The following HMCN2 variants were observed in gnomAD, a reference collection of about 807,000 sequenced individuals.
The protein encoded by HMCN2 is hemicentin-2.
HMCN2 carries 325 observed loss-of-function variants against 377.5 expected under a neutral mutation model. That is an observed-to-expected ratio of 0.86 (90% CI 0.79 to 0.94). The LOEUF (loss-of-function observed/expected upper bound fraction) is 0.94. Ranked by LOEUF, HMCN2 falls within the 40% of genes least tolerant of loss-of-function variation. The pLI, the probability that HMCN2 is intolerant of heterozygous loss-of-function variation, is 0.00. For missense variants in HMCN2, 4,543 were observed against 4,725.3 expected (o/e 0.96, Z 1.13); for synonymous variants, 2,007 against 2,046.8 (o/e 0.98, Z 0.53).
chr9:130,391,436 C>G lies in HMCN2; in HGVS notation c.9828-14C>G. 1 of 987,924 alleles carries G rather than the reference C, an allele frequency of 1.0e-6. No individual in the cohort carries two copies. The allele number at this position is 987,924 out of a possible 1,614,324, so 61.2% of individuals were successfully genotyped here. A position where few individuals can be genotyped will look rare whatever the true frequency, so the allele number is the denominator to read the frequency against. On this transcript the variant is annotated splice_polypyrimidine_tract_variant and intron_variant, in intron 64 of 97. Transcript: ENST00000683500. ...CCTTACGCCTCTGCCCTGGGCCCTC[C>G]TTCCCTGTGGCAGGTTCTACCTGGA...
At chr9:130,348,456 G>C (rs945908480) in intron 26 of HMCN2, 89 bp from the exon 27 acceptor site, 31 of 1,245,700 alleles carry the variant, frequency 2.5e-5, no homozygotes, top group Middle Eastern at 6.5e-4. Context: ...CCCCAGTGAC[G>C]AAGGGGAGGG....
Position 130,388,875 on chromosome 9 carries a change from C to T in HMCN2, c.9523+335C>T, listed in dbSNP as rs12553138. On this transcript the variant is annotated intron_variant, in intron 62 of 97. Coordinates refer to ENST00000683500, the MANE Select transcript of HMCN2 (RefSeq NM_001291815.2). ...GGAAAGCCCACTGGCTGACACTGGG[C>T]TCAGCATTGGCCCCCAGAGCTGCTC... is the stretch of plus-strand genomic sequence containing the variant. Among the ~76,000 whole-genome samples the T allele has an allele frequency of 2.5e-3, 385 of 152,316 alleles. 2 individuals are homozygous for T. In the East Asian group the frequency reaches 0.031, roughly 12 times the overall value.
rs1554936718 is a variant in HMCN2 at position 130,306,269 on chromosome 9, A to G, written c.1957A>G (p.Arg653Gly). 2 of 470,972 alleles carry G rather than the reference A, an allele frequency of 4.2e-6. No homozygotes were observed. Among genetic ancestry groups the G allele is most frequent in the African/African-American group, 2.0e-5 (1 of 50,082 alleles). The allele number at this position is 470,972 out of a possible 1,614,324, so 29.2% of individuals were successfully genotyped here. ...GAGCCAAGCCCTACAAGAGGACAGC[A>G]GGTGAGGGGCCCAGGACACAAATCT... is the stretch of plus-strand genomic sequence containing the variant. ...RESQALQEDSRIHVDAQGTLI... is the reference protein window; with the variant it reads ...RESQALQEDSGIHVDAQGTLI... Residue 653 changes from arginine (R) to glycine (G), a missense_variant and splice_region_variant, in exon 12 of 98, where the codon AGA becomes GGA. Coordinates refer to ENST00000683500, the MANE Select transcript of HMCN2 (RefSeq NM_001291815.2).
At chr9:130,430,795 G>A (rs370905663) in intron 95 of HMCN2, 191 bp downstream of exon 95, 19 of 598,458 alleles carry the variant, frequency 3.2e-5, no homozygotes, top group Middle Eastern at 4.3e-4. Context: ...ATTGGGCAGG[G>A]GGCTTCCAAG....
intron 37 of HMCN2, among the ~76,000 whole-genome samples, chr9:130,359,970 G>T (rs79637602): frequency 2.6e-4 from 39 of 152,144 alleles, no homozygotes; most frequent in Non-Finnish European, 4.9e-4. Flanking sequence ...AGATACACGC[G>T]GTCCAGCCTG....
chr9:130,331,386 C>T (rs1838421116), intron 22 of HMCN2, among the ~76,000 whole-genome samples: 2 of 152,192 alleles, frequency 1.3e-5, no homozygotes, highest in South Asian at 2.1e-4. Context: ...CTGAGTGCTT[C>T]TTTCCTGTGG....
At chr9:130,383,936 G>A (rs990231970) in intron 57 of HMCN2, among the ~76,000 whole-genome samples, 2 of 152,228 alleles carry the variant, frequency 1.3e-5, no homozygotes, top group African/African-American at 2.4e-5. Context: ...AGCTGTGGGA[G>A]GAGACTCAGG....
chr9:130,268,574 G>A (rs1239217370), intron 1 of HMCN2, among the ~76,000 whole-genome samples: 1 of 149,364 alleles, frequency 6.7e-6, no homozygotes, highest in Non-Finnish European at 1.5e-5. Flanking sequence ...CAAGGAAGGG[G>A]GCTAAGGAAA....
chr9:130,407,392 C>T (rs1843152861), intron 82 of HMCN2, 179 bp from the exon 83 acceptor site: 3 of 396,106 alleles, frequency 7.6e-6, no homozygotes, highest in Non-Finnish European at 1.3e-5. Flanking sequence ...AAGGCAGGTT[C>T]ATTAACCGCA....
At chr9:130,327,081 G>T (rs1196786196) in intron 21 of HMCN2, among the ~76,000 whole-genome samples, 1 of 151,992 alleles carries the variant, frequency 6.6e-6, no homozygotes, top group Non-Finnish European at 1.5e-5. Context: ...GAGCAAGGTG[G>T]TGGTGGGGAG....
At chr9:130,350,084 A>C (rs969860523) in intron 29 of HMCN2, among the ~76,000 whole-genome samples, 2 of 150,954 alleles carry the variant, frequency 1.3e-5, no homozygotes, top group African/African-American at 4.9e-5. Flanking sequence ...TTTTTTAAAA[A>C]ATGTTTGTAC....
At chr9:130,402,593 GTC>G (rs1410862438) in intron 77 of HMCN2, among the ~76,000 whole-genome samples, 194 bp from the exon 78 acceptor site, 1 of 152,230 alleles carries the variant, frequency 6.6e-6, no homozygotes, top group African/African-American at 2.4e-5. Flanking sequence ...ACTCGCCCAT[GTC>G]TCTGCTTTGG....
chr9:130,385,619 G>T lies in HMCN2; in HGVS notation c.9166G>T (p.Gly3056Trp). 7.7e-7 allele frequency: 1 copy of T among 1,304,154 alleles called. No individual in the cohort carries two copies. Among genetic ancestry groups the T allele is most frequent in the Non-Finnish European group, 1.0e-6 (1 of 988,882 alleles). The allele number at this position is 1,304,154 out of a possible 1,614,324, so 80.8% of individuals were successfully genotyped here. A position where few individuals can be genotyped will look rare whatever the true frequency, so the allele number is the denominator to read the frequency against. The change falls in exon 60 of 98, where the codon GGG becomes TGG. Residue 3056 changes from glycine to tryptophan, a missense_variant. Around this residue, in one of 5 missense-constraint regions of HMCN2, gnomAD observed 736 missense variants for 773.2 expected, o/e 0.95. Transcript: ENST00000683500. The part of the protein sequence containing the change: ...GPQDAVLVRV[G>W]DKAVLSCETD... ...CCAGGATGCGGTCCTGGTGAGGGTC[G>T]GGGACAAAGCTGTCCTGAGCTGCGA...
chr9:130,286,082 G>A (rs1554927537), intron 3 of HMCN2, 106 bp from the exon 4 acceptor site: 2 of 423,576 alleles, frequency 4.7e-6, no homozygotes, highest in East Asian at 1.4e-4. Context: ...GACAGACAGA[G>A]GAGAGGGCCC....
intron 1 of HMCN2, among the ~76,000 whole-genome samples, chr9:130,277,473 G>A (rs1554923523): frequency 6.6e-6 from 1 of 152,150 alleles, no homozygotes; most frequent in African/African-American, 2.4e-5. Flanking sequence ...GACCTAGACT[G>A]GACTCTCATT....
At position 130,422,706 on chromosome 9, in the gene HMCN2, G is replaced by T; in HGVS notation, c.13361G>T (p.Arg4454Leu). The T allele has an allele frequency of 1.6e-6, 2 of 1,282,260 alleles. No individual in the cohort carries two copies. The highest frequency in any genetic ancestry group is 2.8e-5 in the South Asian group (1 of 35,484). 79.4% of individuals were successfully genotyped at this position (1,282,260 alleles called of 1,614,324 possible). ...GTCAGCAGCATCCACAGCAGCATCC[G>T]CCATGTCCCAGCAAACGTGGGTGAG... is the stretch of plus-strand genomic sequence containing the variant. ...SGVSSIHSSI[R>L]HVPANVGPLM... Residue 4454 changes from arginine (R) to leucine (L), a missense_variant, in exon 87 of 98, where the codon CGC (arginine) becomes CTC (leucine). Around this residue, in one of 5 missense-constraint regions of HMCN2, gnomAD observed 1,155 missense variants for 1,157.7 expected, o/e 1.00. Coordinates refer to ENST00000683500, the MANE Select transcript of HMCN2 (RefSeq NM_001291815.2). This position sits in a 1 kb window ranked among gnomAD's most constrained non-coding sequence, Gnocchi z 4.2.
chr9:130,279,193 G>A (rs781990858), intron 1 of HMCN2, among the ~76,000 whole-genome samples: 15 of 151,900 alleles, frequency 9.9e-5, no homozygotes, highest in Non-Finnish European at 1.9e-4. Flanking sequence ...GCCACCTGCC[G>A]TGGTGAAGGA....
chr9:130,299,702 TCCATCCACCCACCCATTCACTCAC>T lies in HMCN2; in HGVS notation c.1276+431_1276+454del, dbSNP rs1244180408. Among the ~76,000 whole-genome samples, 166 of 145,944 alleles carry T rather than the reference TCCATCCACCCACCCATTCACTCAC, an allele frequency of 1.1e-3. 2 individuals carry two copies. Among genetic ancestry groups the T allele is most frequent in the African/African-American group, 3.9e-3 (152 of 38,790 alleles). ...ATGCATCCATTGACTCACCTATTCA[TCCATCCACCCACCCATTCACTCAC>T]CCATCCACCCACCCATCCACCCACC... On this transcript the variant is annotated intron_variant, in intron 8 of 97. Coordinates refer to ENST00000683500, the MANE Select transcript of HMCN2 (RefSeq NM_001291815.2).
At chr9:130,353,281 A>G (rs1839835513) in intron 31 of HMCN2, 76 bp downstream of exon 31, 6 of 1,241,428 alleles carry the variant, frequency 4.8e-6, no homozygotes, top group Non-Finnish European at 6.3e-6. Flanking sequence ...GCCTGTCTCC[A>G]AAGGAAGGCT....
Sources: gnomAD v4.1 joint callset for allele counts (sites outside exome capture counted in the v4.1 genomes callset) on GRCh38, gnomAD v4.1.1 for gene constraint, gnomAD v4.1.1 regional missense constraint, Gnocchi (gnomAD v3.1) non-coding constraint, MANE v1.5 for transcripts, NCBI Gene and HGNC (gene_info 2026-07-23, HGNC 2026-07-21) for gene names.